FYN: variants seen among roughly 807,000 people sequenced by gnomAD.
FYN encodes the protein FYN proto-oncogene, Src family tyrosine kinase, also known as tyrosine-protein kinase Fyn.
In FYN, 10 loss-of-function variants were observed where a neutral mutation model predicts 70.2. The observed-to-expected ratio is 0.14, with a 90% confidence interval of 0.09 to 0.24. The LOEUF (loss-of-function observed/expected upper bound fraction) is 0.24, where lower values mean the gene tolerates loss of function less well. Ranked by LOEUF, FYN falls within the 10% of genes least tolerant of loss-of-function variation. The probability of loss-of-function intolerance (pLI) is 1.00; values close to 1 mark genes in which losing one functional copy is unlikely to be tolerated. For missense variants in FYN, 319 were observed against 673.1 expected (o/e 0.47, Z 5.82); for synonymous variants, 236 against 248.6 (o/e 0.95, Z 0.48).
At chr6:111,817,912 C>T (rs1448024070) in intron 2 of FYN, among the ~76,000 whole-genome samples, 3 of 152,208 alleles carry the variant, frequency 2.0e-5, no homozygotes, top group Non-Finnish European at 2.9e-5. Flanking sequence ...CTGGTTACAA[C>T]AGTGCCTGGC....
chr6:111,838,698 C>T (rs1356202951), intron 2 of FYN, among the ~76,000 whole-genome samples: 1 of 152,228 alleles, frequency 6.6e-6, no homozygotes, highest in Non-Finnish European at 1.5e-5. Context: ...GTTAGAATGA[C>T]AGCCACAACT....
At chr6:111,666,309 G>T (rs1798004242) in intron 13 of FYN, among the ~76,000 whole-genome samples, 1 of 152,174 alleles carries the variant, frequency 6.6e-6, no homozygotes, top group African/African-American at 2.4e-5. Flanking sequence ...GCTGGCCAGT[G>T]GTGTCTGACT....
intron 2 of FYN, among the ~76,000 whole-genome samples, chr6:111,790,202 C>CA (rs373407180): frequency 5.8e-5 from 8 of 138,304 alleles, no homozygotes; most frequent in Admixed American, 3.6e-4. Context: ...CATTTTATTT[C>CA]AAAAAAAAAT....
At chr6:111,680,218 A>G (rs1798725048) in intron 12 of FYN, among the ~76,000 whole-genome samples, 1 of 152,178 alleles carries the variant, frequency 6.6e-6, no homozygotes, top group Non-Finnish European at 1.5e-5. Context: ...TCTTCCTACC[A>G]CAAGTATTTC....
chr6:111,811,461 T>A (rs1772322363), intron 2 of FYN, among the ~76,000 whole-genome samples: 1 of 152,216 alleles, frequency 6.6e-6, no homozygotes, highest in South Asian at 2.1e-4. Flanking sequence ...TCTAACTGAA[T>A]CCAGTTTCAC....
chr6:111,776,878 A>G (rs1770963687), intron 3 of FYN, among the ~76,000 whole-genome samples: 1 of 152,186 alleles, frequency 6.6e-6, no homozygotes, highest in Admixed American at 6.5e-5. Flanking sequence ...CATGTAAACC[A>G]GATTGTGGTG....
At chr6:111,866,123 A>G (rs1774097175) in intron 1 of FYN, among the ~76,000 whole-genome samples, 1 of 152,184 alleles carries the variant, frequency 6.6e-6, no homozygotes, top group Non-Finnish European at 1.5e-5. Flanking sequence ...TGGATTAACA[A>G]CAGCAGCAAA....
At chr6:111,802,775 T>G (rs932482682) in intron 2 of FYN, among the ~76,000 whole-genome samples, 27 of 135,974 alleles carry the variant, frequency 2.0e-4, no homozygotes, top group African/African-American at 9.1e-4. Context: ...TCTTTCTGGC[T>G]GAAAAAAAAA....
At chr6:111,850,421 C>T (rs1773652837) in intron 1 of FYN, among the ~76,000 whole-genome samples, 1 of 152,240 alleles carries the variant, frequency 6.6e-6, no homozygotes. Context: ...TCTTTCTGCA[C>T]CAATGATCAT....
At chr6:111,808,662 G>A (rs1772228852) in intron 2 of FYN, among the ~76,000 whole-genome samples, 1 of 152,178 alleles carries the variant, frequency 6.6e-6, no homozygotes. Context: ...TGGATACAGA[G>A]GAGTATGACG....
At chr6:111,830,403 G>A (rs1258587538) in intron 2 of FYN, among the ~76,000 whole-genome samples, 1 of 152,216 alleles carries the variant, frequency 6.6e-6, no homozygotes, top group Non-Finnish European at 1.5e-5. Flanking sequence ...CAGTGATAGA[G>A]AACCACTGAA....
intron 4 of FYN, among the ~76,000 whole-genome samples, chr6:111,717,451 A>G (rs773807946): frequency 7.3e-5 from 11 of 150,994 alleles, no homozygotes; most frequent in Non-Finnish European, 1.6e-4. Context: ...CAGAAATGAC[A>G]GGGAGCCCAC....
intron 2 of FYN, among the ~76,000 whole-genome samples, chr6:111,830,184 AATACAC>A (rs1772970036): frequency 6.6e-6 from 1 of 152,192 alleles, no homozygotes; most frequent in Non-Finnish European, 1.5e-5. Context: ...CCAGTGACTT[AATACAC>A]AGAAAATGTG....
intron 1 of FYN, among the ~76,000 whole-genome samples, chr6:111,861,848 G>A (rs1773972658): frequency 1.3e-5 from 2 of 152,158 alleles, no homozygotes; most frequent in Admixed American, 1.3e-4. Flanking sequence ...TCTTTTGAAG[G>A]ATATACAAAC....
At chr6:111,839,842 G>A (rs996226401) in intron 2 of FYN, among the ~76,000 whole-genome samples, 1 of 152,134 alleles carries the variant, frequency 6.6e-6, no homozygotes, top group African/African-American at 2.4e-5. Context: ...AAAGCGGAAG[G>A]TGTGGGCTAG....
intron 2 of FYN, among the ~76,000 whole-genome samples, chr6:111,819,652 T>C (rs1316700495): frequency 6.6e-6 from 1 of 152,172 alleles, no homozygotes; most frequent in African/African-American, 2.4e-5. Context: ...AAGGTCTTTG[T>C]GTAGTTTCTA....
At chr6:111,725,824 G>C (rs1801168188) in intron 3 of FYN, among the ~76,000 whole-genome samples, 3 of 152,166 alleles carry the variant, frequency 2.0e-5, no homozygotes, top group African/African-American at 7.2e-5. Flanking sequence ...TATGTGCCCT[G>C]CAAATCCCTA....
chr6:111,708,517 G>T (rs942984546), intron 5 of FYN, among the ~76,000 whole-genome samples: 1 of 152,132 alleles, frequency 6.6e-6, no homozygotes, highest in Non-Finnish European at 1.5e-5. Flanking sequence ...AACATTGGGA[G>T]GTTAGGAGGT....
At chr6:111,679,253 C>G (rs533350993) in intron 12 of FYN, among the ~76,000 whole-genome samples, 1 of 152,224 alleles carries the variant, frequency 6.6e-6, no homozygotes, top group Non-Finnish European at 1.5e-5. Flanking sequence ...GCACAGGGAA[C>G]CTTTGCCTGA....
Sources: gnomAD v4.1 joint callset for allele counts (sites outside exome capture counted in the v4.1 genomes callset) on GRCh38, gnomAD v4.1.1 for gene constraint, MANE v1.5 for transcripts, NCBI Gene and HGNC (gene_info 2026-07-23, HGNC 2026-07-21) for gene names.